EIF4G3: variants seen among roughly 807,000 people sequenced by gnomAD.
The protein encoded by EIF4G3 is eIF-4-gamma 3.
Under a neutral mutation model 186.4 loss-of-function variants are expected in EIF4G3, and 34 were observed. That is an observed-to-expected ratio of 0.18 (90% CI 0.14 to 0.24). EIF4G3 has a LOEUF of 0.24. EIF4G3 is among the 10% of genes least tolerant of loss of function. The pLI is 1.00. For synonymous variants in EIF4G3, 673 were observed against 679.5 expected, an observed-to-expected ratio of 0.99 and a Z score of 0.15; for missense variants, 1,536 against 1,948.5, an observed-to-expected ratio of 0.79 and a Z score of 3.99.
chr1:20,822,549 A>G (rs1571117412), intron 33 of EIF4G3, among the ~76,000 whole-genome samples: 1 of 130,270 alleles, frequency 7.7e-6, no homozygotes, highest in South Asian at 2.3e-4. Context: ...CCTTTATTCT[A>G]TTTGCTTGGA....
intron 18 of EIF4G3, 76 bp from the exon 19 acceptor site, chr1:20,886,447 A>G: frequency 7.0e-7 from 1 of 1,421,674 alleles, no homozygotes; most frequent in Non-Finnish European, 9.6e-7. Flanking sequence ...GTCAAGTCTG[A>G]TGACTACGCC....
chr1:20,886,862 C>T (rs1433212023), intron 18 of EIF4G3, among the ~76,000 whole-genome samples: 2 of 151,960 alleles, frequency 1.3e-5, no homozygotes, highest in African/African-American at 2.4e-5. Flanking sequence ...AAAATAAGCC[C>T]GTTATATATC....
In EIF4G3 at chr1:21,017,582, C is replaced by T. The variant is rs1365691467; in HGVS notation, c.-66-14774G>A. ...GGTGGAGCTTGCAGTGAGCCAAGAT[C>T]GTGCCACTGCACTCCAGCCTGGATG... is the stretch of plus-strand genomic sequence containing the variant. On this transcript the variant is annotated intron_variant, in intron 4 of 36. Transcript: ENST00000602326. Among the ~76,000 whole-genome samples, 3 of 130,178 alleles carry T rather than the reference C, an allele frequency of 2.3e-5. No individual in the cohort carries two copies. In the Admixed American group the frequency reaches 2.8e-4, roughly 12 times the overall value. 85.4% of individuals were successfully genotyped at this position (130,178 alleles called of 152,430 possible). A position where few individuals can be genotyped will look rare whatever the true frequency, so the allele number is the denominator to read the frequency against.
Position 20,981,790 on chromosome 1 carries a change from T to G in EIF4G3, c.199-563A>C, listed in dbSNP as rs185936342. 3.3e-5 allele frequency among the ~76,000 whole-genome samples: 5 copies of G among 152,072 alleles called. No individual in the cohort carries two copies. The East Asian group carries it at 9.7e-4, about 29-fold the overall frequency. On this transcript the variant is annotated intron_variant, in intron 8 of 36. Coordinates refer to ENST00000602326, the MANE Select transcript of EIF4G3 (RefSeq NM_001391906.1). ...CATACTGTATATATACATACATATA[T>G]GTATACACACATACTGTATATATAC...
chr1:20,936,013 T>A (rs182856094), intron 14 of EIF4G3, among the ~76,000 whole-genome samples: 19 of 152,238 alleles, frequency 1.2e-4, no homozygotes, highest in Non-Finnish European at 2.2e-4. Context: ...GACTGAGACT[T>A]TAGGGCTCAT....
chr1:20,917,163 C>T (rs1012804865), intron 14 of EIF4G3, among the ~76,000 whole-genome samples: 2 of 152,124 alleles, frequency 1.3e-5, no homozygotes, highest in African/African-American at 4.8e-5. Flanking sequence ...AAAATGAGCT[C>T]TTTACATACT....
intron 14 of EIF4G3, among the ~76,000 whole-genome samples, chr1:20,913,800 A>ATTTTTTTT (rs68098768): frequency 1.3e-5 from 1 of 75,656 alleles, no homozygotes; most frequent in African/African-American, 5.2e-5. Context: ...AATTATTAGA[A>ATTTTTTTT]TTTTTTTTTT....
At chr1:21,117,455 T>C (rs530600458) in intron 2 of EIF4G3, among the ~76,000 whole-genome samples, 1 of 152,270 alleles carries the variant, frequency 6.6e-6, no homozygotes, top group East Asian at 1.9e-4. Context: ...GTATTTTCTT[T>C]ATCCAAATAA....
intron 4 of EIF4G3, among the ~76,000 whole-genome samples, chr1:21,029,076 G>C (rs1308839482): frequency 6.6e-6 from 1 of 151,912 alleles, no homozygotes; most frequent in Non-Finnish European, 1.5e-5. Flanking sequence ...GGGGTACAGT[G>C]GCGTGATCCC....
rs147841357 is a variant in EIF4G3, at chr1:20,980,417, G to T, written c.410C>A (p.Pro137His). ...YRHSGPPYVG[P>H]PQQYPVQPPG... ...TGGTTGAACTGGATATTGTTGGGGG[G>T]GCCCAACATAAGGAGGGCCACTATG... Residue 137 changes from proline to histidine, a missense_variant, in exon 10 of 37, where the codon CCC becomes CAC. Physicochemically the swap from Pro to His is moderately conservative, Grantham distance 77 (BLOSUM62 -2). Transcript: ENST00000602326. 94 of 1,543,304 alleles carry T rather than the reference G, an allele frequency of 6.1e-5. No individual in the cohort carries two copies. The highest frequency in any genetic ancestry group is 3.4e-4 in the Middle Eastern group (2 of 5,850).
At chr1:20,945,317 G>A (rs2095890192) in intron 13 of EIF4G3, among the ~76,000 whole-genome samples, 1 of 151,666 alleles carries the variant, frequency 6.6e-6, no homozygotes, top group Non-Finnish European at 1.5e-5. Context: ...CAAGAAAAAA[G>A]GAGAAAAAAG....
intron 11 of EIF4G3, 99 bp downstream of exon 11, chr1:20,972,903 G>T: frequency 1.8e-5 from 16 of 908,724 alleles, no homozygotes; most frequent in East Asian, 2.9e-5. Flanking sequence ...AAAAGGCACA[G>T]TAATTTGTGA....
intron 12 of EIF4G3, among the ~76,000 whole-genome samples, chr1:20,965,440 C>A (rs2074411133): frequency 6.6e-6 from 1 of 152,164 alleles, no homozygotes; most frequent in Non-Finnish European, 1.5e-5. Flanking sequence ...ATAGCATTGC[C>A]ATTCATTTCC....
chr1:21,027,264 C>T (rs920196052), intron 4 of EIF4G3, among the ~76,000 whole-genome samples: 3 of 147,974 alleles, frequency 2.0e-5, no homozygotes, highest in African/African-American at 7.5e-5. Flanking sequence ...AAGATCTCAG[C>T]TCCCTGCAAC....
At chr1:20,929,591 A>G (rs2095182783) in intron 14 of EIF4G3, 1 of 152,232 alleles carries the variant, frequency 6.6e-6, no homozygotes, top group African/African-American at 2.4e-5. Context: ...TCTTAATACA[A>G]GCTGAAAATA....
intron 3 of EIF4G3, among the ~76,000 whole-genome samples, chr1:21,062,391 G>C (rs994450692): frequency 1.3e-5 from 2 of 151,920 alleles, no homozygotes; most frequent in Non-Finnish European, 2.9e-5. Context: ...AAATAAACAA[G>C]ATCATCAGAG....
At chr1:21,001,423 G>C in intron 5 of EIF4G3, 111 bp from the exon 6 acceptor site, 1 of 409,104 alleles carries the variant, frequency 2.4e-6, no homozygotes, top group South Asian at 1.8e-5. Flanking sequence ...TTAGGGTTGG[G>C]GGTATACAGA....
At chr1:20,887,530 T>C (rs2084597745) in intron 18 of EIF4G3, among the ~76,000 whole-genome samples, 1 of 152,050 alleles carries the variant, frequency 6.6e-6, no homozygotes, top group Non-Finnish European at 1.5e-5. Context: ...TTAGAAATGG[T>C]AGTATCAAGA....
intron 32 of EIF4G3, 41 bp downstream of exon 32, chr1:20,827,576 C>A: frequency 7.7e-7 from 1 of 1,293,626 alleles, no homozygotes; most frequent in South Asian, 1.3e-5. Flanking sequence ...ACTGCCCTTC[C>A]TAATAATACT....
Sources: allele counts gnomAD v4.1 joint callset (sites outside exome capture counted in the v4.1 genomes callset), GRCh38; gene constraint gnomAD v4.1.1; transcripts MANE v1.5; gene names NCBI Gene and HGNC (gene_info 2026-07-23, HGNC 2026-07-21).